The following LONP2 variants were observed in gnomAD, a reference collection of about 807,000 sequenced individuals.
LONP2 encodes the protein lon protease homolog 2, peroxisomal.
LONP2 carries 60 observed loss-of-function variants against 85.6 expected under a neutral mutation model. The observed-to-expected ratio is 0.70, with a 90% confidence interval of 0.57 to 0.87. LONP2 has a LOEUF of 0.87. LONP2 is among the 40% of genes least tolerant of loss of function. The probability of loss-of-function intolerance (pLI) is 0.00; values close to 1 mark genes in which losing one functional copy is unlikely to be tolerated. For synonymous variants in LONP2, 395 were observed against 389.7 expected (o/e 1.01, Z -0.16); for missense variants, 860 against 1,063.5 (o/e 0.81, Z 2.66).
intron 6 of LONP2, among the ~76,000 whole-genome samples, chr16:48,265,762 A>T (rs539267329): frequency 2.2e-4 from 33 of 152,320 alleles, no homozygotes; most frequent in African/African-American, 7.7e-4. Flanking sequence ...GAAAAATGTC[A>T]TTGGAATTTT....
intron 1 of LONP2, among the ~76,000 whole-genome samples, chr16:48,248,286 T>G (rs1449526755): frequency 6.7e-6 from 1 of 149,252 alleles, no homozygotes; most frequent in African/African-American, 2.5e-5. Flanking sequence ...AATGCCTAGC[T>G]ATTTTTTTTT....
downstream of LONP2, among the ~76,000 whole-genome samples, chr16:48,357,927 A>C (rs374909949): frequency 1.6e-4 from 24 of 152,344 alleles, no homozygotes; most frequent in Admixed American, 1.0e-3. Context: ...GACAATTTCA[A>C]GTTTAAGGGT....
Position 48,362,567 on chromosome 16 carries a change from T to C in LONP2, c.*704T>C. 2 of 811,740 alleles carry C rather than the reference T, an allele frequency of 2.5e-6. No individual in the cohort carries two copies. Among genetic ancestry groups the C allele is most frequent in the Non-Finnish European group, 3.9e-6 (2 of 517,420 alleles). The allele number at this position is 811,740 out of a possible 1,614,324, so 50.3% of individuals were successfully genotyped here. ...AGCAAAAGAGGAAGAAAAATAGGAT[T>C]AAAAAAGATATTAAAAAAATAAAAT... On this transcript the variant is annotated 3_prime_UTR_variant, in exon 5 of 5. Transcript: ENST00000565867. This position sits in a 1 kb window ranked among gnomAD's most constrained non-coding sequence, Gnocchi z 4.2.
chr16:48,361,992 G>T (rs1175829802), downstream of LONP2: 4 of 1,613,964 alleles, frequency 2.5e-6, no homozygotes, highest in African/African-American at 5.3e-5. Flanking sequence ...CATCAGATGG[G>T]GCATTACAGC....
intron 9 of LONP2, 68 bp downstream of exon 9, chr16:48,296,233 T>C: frequency 6.6e-7 from 1 of 1,521,876 alleles, no homozygotes; most frequent in Non-Finnish European, 8.9e-7. Flanking sequence ...TTAGTTATGC[T>C]ATGGAGTTTT....
intron 11 of LONP2, among the ~76,000 whole-genome samples, chr16:48,332,735 T>TAC (rs999577293): frequency 6.7e-6 from 1 of 149,550 alleles, no homozygotes; most frequent in African/African-American, 2.5e-5. Flanking sequence ...TACATATATA[T>TAC]ACACATACAC....
chr16:48,336,119 C>T (rs1959641150), intron 12 of LONP2, among the ~76,000 whole-genome samples: 2 of 152,242 alleles, frequency 1.3e-5, no homozygotes. Context: ...CAAATAAAGA[C>T]AAAAGATTAA....
rs747763939 is a variant in LONP2, at chr16:48,252,158, GGTTGTGGGCAGTAACTGGCCCAA to G, written c.263_285del (p.Val88AlafsTer28). 5 of 1,605,766 alleles carry G rather than the reference GGTTGTGGGCAGTAACTGGCCCAA, an allele frequency of 3.1e-6. No individual in the cohort carries two copies. In the South Asian group the frequency reaches 5.5e-5, roughly 18 times the overall value. Reference sequence around the variant, plus strand: ...TTGGCACAGCTGCACTGGCCGTTCAGGTTGTGGGCAGTAACTGGCCCAAGCCCCACTACACTCTGTTGATTACA... The same window carrying G: ...TTGGCACAGCTGCACTGGCCGTTCAGGCCCCACTACACTCTGTTGATTACA... On this transcript the variant is annotated frameshift_variant, in exon 2 of 15. Coordinates refer to ENST00000285737, the MANE Select transcript of LONP2 (RefSeq NM_031490.5). LOFTEE classifies it high-confidence loss of function.
chr16:48,318,741 C>G (rs564669299), intron 11 of LONP2, among the ~76,000 whole-genome samples: 3 of 152,288 alleles, frequency 2.0e-5, no homozygotes, highest in South Asian at 4.1e-4. Context: ...GGCTTGTGTT[C>G]GTTCCCACTC....
intron 6 of LONP2, among the ~76,000 whole-genome samples, chr16:48,265,805 T>A (rs1370081672): frequency 6.6e-6 from 1 of 152,214 alleles, no homozygotes; most frequent in Non-Finnish European, 1.5e-5. Flanking sequence ...TAAATTGCTT[T>A]GAGTGGTATA....
chr16:48,255,180 C>A (rs1971732859), intron 2 of LONP2, among the ~76,000 whole-genome samples: 1 of 152,182 alleles, frequency 6.6e-6, no homozygotes, highest in African/African-American at 2.4e-5. Context: ...GAGTGTCTTT[C>A]TGGCTCATGC....
chr16:48,285,756 C>G (rs12448384), intron 8 of LONP2, among the ~76,000 whole-genome samples: 29,542 of 152,024 alleles, frequency 0.19, 3,738 homozygotes, highest in Non-Finnish European at 0.27. Flanking sequence ...TCCTGTAATT[C>G]TTTAGACATG....
chr16:48,343,472 G>A (rs1250577818), intron 12 of LONP2, among the ~76,000 whole-genome samples: 1 of 152,290 alleles, frequency 6.6e-6, no homozygotes, highest in African/African-American at 2.4e-5. Flanking sequence ...GCTGAGGCAG[G>A]TGGATCATGA....
chr16:48,344,297 TC>T (rs1959900875), intron 12 of LONP2: 1 of 152,174 alleles, frequency 6.6e-6, no homozygotes, highest in South Asian at 2.1e-4. Flanking sequence ...GAATTGTAGG[TC>T]CTTTGCTTCT....
At chr16:48,327,469 T>G (rs1301966423) in intron 11 of LONP2, among the ~76,000 whole-genome samples, 1 of 152,136 alleles carries the variant, frequency 6.6e-6, no homozygotes, top group Non-Finnish European at 1.5e-5. Flanking sequence ...TTTTGTTTTG[T>G]TTTTTTGGGA....
chr16:48,260,044 C>T (rs899106691), intron 4 of LONP2, among the ~76,000 whole-genome samples: 10 of 152,072 alleles, frequency 6.6e-5, no homozygotes, highest in Non-Finnish European at 1.3e-4. Context: ...TTTTAGCAGT[C>T]AGGAAGGAAA....
intron 7 of LONP2, among the ~76,000 whole-genome samples, chr16:48,276,838 T>A (rs1244733859): frequency 6.6e-6 from 1 of 152,206 alleles, no homozygotes; most frequent in Non-Finnish European, 1.5e-5. Context: ...TCTTTTTTGT[T>A]GTTGTTTTTG....
chr16:48,252,453 T>G, intron 2 of LONP2, 88 bp downstream of exon 2: 1 of 790,426 alleles, frequency 1.3e-6, no homozygotes, highest in Non-Finnish European at 2.0e-6. Flanking sequence ...GATAGTGAAG[T>G]TTTAGGACAG....
At chr16:48,327,931 G>A (rs1039031911) in intron 11 of LONP2, among the ~76,000 whole-genome samples, 7 of 152,006 alleles carry the variant, frequency 4.6e-5, no homozygotes, top group Non-Finnish European at 1.0e-4. Flanking sequence ...ATTCCCAACC[G>A]TTGTGTGATT....
Sources: gnomAD v4.1 joint callset for allele counts (sites outside exome capture counted in the v4.1 genomes callset) on GRCh38, gnomAD v4.1.1 for gene constraint, Gnocchi (gnomAD v3.1) non-coding constraint, MANE v1.5 for transcripts, NCBI Gene and HGNC (gene_info 2026-07-23, HGNC 2026-07-21) for gene names.